Variants in CHMP4C observed in about 807,000 individuals in gnomAD.
The protein encoded by CHMP4C is charged multivesicular body protein 4C.
Under a neutral mutation model 29.0 loss-of-function variants are expected in CHMP4C, and 28 were observed. The observed-to-expected ratio is 0.97, with a 90% CI of 0.72 to 1.32. The LOEUF (loss-of-function observed/expected upper bound fraction) is 1.32, where lower values mean the gene tolerates loss of function less well. Among genes scored for constraint, CHMP4C ranks in the 40% most tolerant of loss-of-function variants. The pLI, the probability that CHMP4C is intolerant of heterozygous loss-of-function variation, is 0.00. For missense variants in CHMP4C, 291 were observed against 281.0 expected (o/e 1.04, Z -0.25); for synonymous variants, 106 against 102.4 (o/e 1.04, Z -0.21).
intron 1 of CHMP4C, among the ~76,000 whole-genome samples, chr8:81,752,529 T>G (rs1808916706): frequency 6.6e-6 from 1 of 152,172 alleles, no homozygotes; most frequent in Non-Finnish European, 1.5e-5. Flanking sequence ...AGATGTAACC[T>G]CAATAGCCAT....
intron 1 of CHMP4C, among the ~76,000 whole-genome samples, chr8:81,752,371 A>C (rs1808914094): frequency 6.6e-6 from 1 of 152,122 alleles, no homozygotes; most frequent in Non-Finnish European, 1.5e-5. Context: ...TTTTAGAGTG[A>C]GGCAAGTTAG....
intron 1 of CHMP4C, among the ~76,000 whole-genome samples, chr8:81,743,041 A>AT (rs1364294794): frequency 1.3e-5 from 2 of 151,968 alleles, no homozygotes; most frequent in Non-Finnish European, 2.9e-5. Flanking sequence ...ATTTTTTAAG[A>AT]TTTTTTGACG....
chr8:81,747,463 C>A, intron 1 of CHMP4C, among the ~76,000 whole-genome samples: 1 of 152,046 alleles, frequency 6.6e-6, no homozygotes, highest in East Asian at 1.9e-4. Context: ...ATTCCACTTC[C>A]GGGTATGTTG....
rs1478313786 is a variant in CHMP4C, at chr8:81,759,278, G to A, written c.*734G>A. The A allele has an allele frequency of 6.6e-6, 1 of 152,582 alleles. No homozygotes were observed. Among genetic ancestry groups the A allele is most frequent in the Non-Finnish European group, 1.5e-5 (1 of 68,034 alleles). The allele number at this position is 152,582 out of a possible 1,614,324, so 9.5% of individuals were successfully genotyped here. ...GCAATGGATGCATTTCCCAAAACGT[G>A]TGAAAGCACTAACAGCTTATATTGC... is the stretch of plus-strand genomic sequence containing the variant. On this transcript the variant is annotated 3_prime_UTR_variant, in exon 5 of 5. Transcript: ENST00000297265.
intron 1 of CHMP4C, among the ~76,000 whole-genome samples, chr8:81,746,518 G>C (rs1448085258): frequency 6.6e-6 from 1 of 152,134 alleles, no homozygotes; most frequent in Non-Finnish European, 1.5e-5. Context: ...TTTTATAGAA[G>C]AGAAACAGTT....
chr8:81,743,392 G>A (rs962163401), intron 1 of CHMP4C, among the ~76,000 whole-genome samples: 10 of 151,782 alleles, frequency 6.6e-5, no homozygotes, highest in African/African-American at 9.7e-5. Flanking sequence ...TATTCTAGAT[G>A]ATAACAGGCC....
intron 1 of CHMP4C, among the ~76,000 whole-genome samples, chr8:81,735,986 T>C (rs1279144876): frequency 6.6e-6 from 1 of 151,922 alleles, no homozygotes; most frequent in East Asian, 1.9e-4. Context: ...CTTGGGAGGC[T>C]GAGGCAAAAT....
At chr8:81,751,594 A>G (rs554425179) in intron 1 of CHMP4C, among the ~76,000 whole-genome samples, 2 of 152,156 alleles carry the variant, frequency 1.3e-5, no homozygotes, top group Non-Finnish European at 2.9e-5. Flanking sequence ...CCCAACAATT[A>G]AAGGGAAAAA....
At chr8:81,745,745 A>C (rs1376002970) in intron 1 of CHMP4C, among the ~76,000 whole-genome samples, 1 of 152,154 alleles carries the variant, frequency 6.6e-6, no homozygotes, top group Non-Finnish European at 1.5e-5. Context: ...AAGGAACATC[A>C]CTGTTATGCA....
chr8:81,756,781 G>A (rs544678112), intron 3 of CHMP4C, among the ~76,000 whole-genome samples: 119 of 152,206 alleles, frequency 7.8e-4, no homozygotes, highest in African/African-American at 2.7e-3. Flanking sequence ...GCATACATTC[G>A]GCATAGGATA....
chr8:81,745,799 A>G (rs766267830), intron 1 of CHMP4C, among the ~76,000 whole-genome samples: 2 of 152,202 alleles, frequency 1.3e-5, no homozygotes, highest in South Asian at 2.1e-4. Flanking sequence ...AAAGGAATAC[A>G]GTAGATTCCT....
chr8:81,738,813 CT>C (rs1808724848), intron 1 of CHMP4C, among the ~76,000 whole-genome samples: 2 of 152,188 alleles, frequency 1.3e-5, no homozygotes, highest in Non-Finnish European at 2.9e-5. Flanking sequence ...ACAATTCCTT[CT>C]GTTTATTTCA....
At position 81,758,533 on chromosome 8, in the gene CHMP4C, T is replaced by C. The variant is rs777947606; in HGVS notation, c.691T>C (p.Trp231Arg). 6.2e-7 allele frequency: 1 copy of C among 1,610,206 alleles called. No individual in the cohort carries two copies. Among genetic ancestry groups the C allele is most frequent in the Non-Finnish European group, 8.5e-7 (1 of 1,176,476 alleles). Reference sequence around the variant, plus strand: ...TGATGATATCAAACAATTGGCAGCTTGGGCTACCTAAACTAAAACACATTT... The same window carrying C: ...TGATGATATCAAACAATTGGCAGCTCGGGCTACCTAAACTAAAACACATTT... ...EDDDIKQLAA[W>R]AT Residue 231 changes from tryptophan (W) to arginine (R), a missense_variant, in exon 5 of 5, where the codon TGG becomes CGG. Transcript: ENST00000297265.
chr8:81,750,959 G>C (rs967383162), intron 1 of CHMP4C, among the ~76,000 whole-genome samples: 3 of 152,024 alleles, frequency 2.0e-5, no homozygotes, highest in Non-Finnish European at 2.9e-5. Context: ...AACATTTTTG[G>C]AGAGGAAACA....
At chr8:81,735,918 C>A (rs1332689951) in intron 1 of CHMP4C, among the ~76,000 whole-genome samples, 1 of 151,928 alleles carries the variant, frequency 6.6e-6, no homozygotes, top group Non-Finnish European at 1.5e-5. Context: ...GAAACCCCAT[C>A]TCTACTAAAA....
chr8:81,740,483 C>T (rs1187171584), intron 1 of CHMP4C, among the ~76,000 whole-genome samples: 1 of 152,228 alleles, frequency 6.6e-6, no homozygotes, highest in Non-Finnish European at 1.5e-5. Context: ...TGCCGCTCAT[C>T]TCCTGCTTTG....
chr8:81,750,076 T>TG (rs1168505590), intron 1 of CHMP4C, among the ~76,000 whole-genome samples: 6 of 152,166 alleles, frequency 3.9e-5, no homozygotes, highest in Admixed American at 2.6e-4. Context: ...CCTCATTTTC[T>TG]GGGGAGAAAT....
At chr8:81,757,717 C>T (rs1046369499) in intron 3 of CHMP4C, among the ~76,000 whole-genome samples, 10 of 152,138 alleles carry the variant, frequency 6.6e-5, no homozygotes, top group Admixed American at 4.6e-4. Context: ...ACTTTCTGTA[C>T]GTTATGGTTT....
chr8:81,733,334 G>T (rs1016090439), intron 1 of CHMP4C, among the ~76,000 whole-genome samples: 19 of 151,924 alleles, frequency 1.3e-4, no homozygotes, highest in African/African-American at 4.6e-4. Context: ...TTTTGCTCCT[G>T]GTCCAGCTTT....
Sources: gnomAD v4.1 joint callset for allele counts (sites outside exome capture counted in the v4.1 genomes callset) on GRCh38, gnomAD v4.1.1 for gene constraint, MANE v1.5 for transcripts, NCBI Gene and HGNC (gene_info 2026-07-23, HGNC 2026-07-21) for gene names.